PCDHGA2: variants seen among roughly 807,000 people sequenced by gnomAD.
The protein encoded by PCDHGA2 is protocadherin gamma subfamily A, 2, also known as protocadherin gamma-A2.
Under a neutral mutation model 59.2 loss-of-function variants are expected in PCDHGA2, and 40 were observed. That is an observed-to-expected ratio of 0.68 (90% CI 0.52 to 0.88). PCDHGA2 has a LOEUF of 0.88. Ranked by LOEUF, PCDHGA2 falls within the 40% of genes least tolerant of loss-of-function variation. The pLI is 0.00. For synonymous variants in PCDHGA2, 560 were observed against 526.0 expected, an observed-to-expected ratio of 1.06 and a Z score of -0.89; for missense variants, 1,226 against 1,204.0, an observed-to-expected ratio of 1.02 and a Z score of -0.27.
intron 1 of PCDHGA2, among the ~76,000 whole-genome samples, chr5:141,445,948 G>A (rs538607380): frequency 6.6e-6 from 1 of 152,236 alleles, no homozygotes; most frequent in South Asian, 2.1e-4. Flanking sequence ...GCTTACTCTG[G>A]CTGCTATATG....
chr5:141,372,461 GTTTCACC>G, intron 1 of PCDHGA2: 1 of 1,614,040 alleles, frequency 6.2e-7, no homozygotes, highest in South Asian at 1.1e-5. Context: ...CGGAGCTACA[GTTTCACC>G]TAGTAGTGGC....
chr5:141,344,973 T>C (rs1348314903), intron 1 of PCDHGA2: 1 of 1,613,876 alleles, frequency 6.2e-7, no homozygotes, highest in Non-Finnish European at 8.5e-7. Flanking sequence ...GGATGCCATG[T>C]TCTATGAAAT....
intron 1 of PCDHGA2, chr5:141,377,207 A>T (rs1170353646): frequency 6.6e-6 from 1 of 152,122 alleles, no homozygotes; most frequent in Non-Finnish European, 1.5e-5. Context: ...GATTGAGTAC[A>T]TCTCGTTTCT....
At chr5:141,495,270 G>A (rs1428903664) in intron 2 of PCDHGA2, among the ~76,000 whole-genome samples, 1 of 152,178 alleles carries the variant, frequency 6.6e-6, no homozygotes, top group African/African-American at 2.4e-5. Context: ...GCATTTGACC[G>A]GAGGAGGCGG....
intron 1 of PCDHGA2, among the ~76,000 whole-genome samples, chr5:141,479,107 G>A (rs1212999480): frequency 6.6e-6 from 1 of 152,090 alleles, no homozygotes; most frequent in Non-Finnish European, 1.5e-5. Flanking sequence ...TTTATTTCAA[G>A]CATTCTACTG....
chr5:141,510,854 T>A, intron 3 of PCDHGA2, 93 bp from the exon 4 acceptor site: 1 of 1,602,320 alleles, frequency 6.2e-7, no homozygotes, highest in East Asian at 2.2e-5. Context: ...CCCAGGGTGC[T>A]GTATAGGCAT....
intron 1 of PCDHGA2, chr5:141,364,277 A>G (rs1763252394): frequency 1.3e-6 from 2 of 1,515,318 alleles, no homozygotes; most frequent in East Asian, 2.3e-5. Flanking sequence ...TTAGATAAAT[A>G]AGGAAACAGC....
intron 1 of PCDHGA2, chr5:141,374,093 C>T (rs1039229802): frequency 6.4e-7 from 1 of 1,554,822 alleles, no homozygotes; most frequent in Middle Eastern, 1.8e-4. Context: ...AATGGCGCCT[C>T]CGCAGAGGCA....
chr5:141,361,707 G>A lies in PCDHGA2; in HGVS notation c.2424+20312G>A. On this transcript the variant is annotated intron_variant, in intron 1 of 3. Transcript: ENST00000394576. Reference sequence around the variant, plus strand: ...CGCAGCGCGCCTTCGATCATGAGCAGCTGCGCGCCTTCGAGCTCACACTGC... The same window carrying A: ...CGCAGCGCGCCTTCGATCATGAGCAACTGCGCGCCTTCGAGCTCACACTGC... The A allele has an allele frequency of 1.9e-6, 3 of 1,613,422 alleles. No individual in the cohort carries two copies. In the South Asian group the frequency reaches 3.3e-5, roughly 18 times the overall value.
intron 1 of PCDHGA2, among the ~76,000 whole-genome samples, chr5:141,447,234 G>T (rs534523483): frequency 9.9e-4 from 150 of 152,170 alleles, no homozygotes; most frequent in Non-Finnish European, 1.8e-3. Flanking sequence ...CCGCCTCCCG[G>T]GTTCAAGTGA....
intron 1 of PCDHGA2, among the ~76,000 whole-genome samples, chr5:141,456,135 G>A (rs1422353665): frequency 6.6e-6 from 1 of 152,052 alleles, no homozygotes; most frequent in Non-Finnish European, 1.5e-5. Context: ...CTGACCTCCT[G>A]ATCCGCCCGC....
intron 1 of PCDHGA2, chr5:141,374,023 A>C: frequency 7.1e-7 from 1 of 1,412,854 alleles, no homozygotes; most frequent in South Asian, 1.7e-5. Flanking sequence ...GAGAAGAGCA[A>C]AAGTGATGCA....
intron 1 of PCDHGA2, among the ~76,000 whole-genome samples, chr5:141,430,226 T>C (rs1331325242): frequency 6.9e-6 from 1 of 144,216 alleles, no homozygotes; most frequent in Admixed American, 7.0e-5. Context: ...ATATGATTTG[T>C]CAAAAAGAGA....
intron 1 of PCDHGA2, chr5:141,413,021 C>A: frequency 2.8e-6 from 2 of 714,374 alleles, no homozygotes; most frequent in Non-Finnish European, 4.4e-6. Context: ...TACACAAGCC[C>A]CACAAACCGG....
At chr5:141,484,155 T>G (rs2099592564) in intron 1 of PCDHGA2, among the ~76,000 whole-genome samples, 1 of 152,224 alleles carries the variant, frequency 6.6e-6, no homozygotes, top group Non-Finnish European at 1.5e-5. Context: ...GTAGGCACAA[T>G]GCTGTTGGTA....
intron 3 of PCDHGA2, among the ~76,000 whole-genome samples, chr5:141,506,484 C>T (rs1489425559): frequency 6.6e-6 from 1 of 150,566 alleles, no homozygotes; most frequent in Non-Finnish European, 1.5e-5. Context: ...GCTTTAGAGG[C>T]AGGCCAATCT....
intron 1 of PCDHGA2, among the ~76,000 whole-genome samples, chr5:141,458,876 G>T (rs187470646): frequency 5.0e-4 from 76 of 152,248 alleles, no homozygotes; most frequent in African/African-American, 1.7e-3. Context: ...GGGACTACAG[G>T]CATGCACACC....
chr5:141,352,405 C>T, intron 1 of PCDHGA2: 1 of 1,614,060 alleles, frequency 6.2e-7, no homozygotes, highest in Non-Finnish European at 8.5e-7. Context: ...GACGTTCCTC[C>T]AGCCTCGACA....
rs774055546 is a variant in PCDHGA2, at chr5:141,360,808, A to T, written c.2424+19413A>T. On this transcript the variant is annotated intron_variant, in intron 1 of 3. Transcript: ENST00000394576. ...TGGCGGAGACCCACCTCAAAGTGGC[A>T]CGACCCAAATCCGAATCAAAGTCAC... is the stretch of plus-strand genomic sequence containing the variant. The T allele has an allele frequency of 1.9e-6, 3 of 1,613,856 alleles. No individual in the cohort carries two copies. The African/African-American group carries it at 4.0e-5, about 22-fold the overall frequency.
Sources: gnomAD v4.1 joint callset for allele counts (sites outside exome capture counted in the v4.1 genomes callset) on GRCh38, gnomAD v4.1.1 for gene constraint, MANE v1.5 for transcripts, NCBI Gene and HGNC (gene_info 2026-07-23, HGNC 2026-07-21) for gene names.